CCDC91: variants seen among roughly 807,000 people sequenced by gnomAD.
CCDC91 encodes the protein coiled-coil domain containing 91, also known as coiled-coil domain-containing protein 91.
CCDC91 carries 48 observed loss-of-function variants against 63.2 expected under a neutral mutation model. The observed-to-expected ratio is 0.76, with a 90% CI of 0.60 to 0.97. CCDC91 has a LOEUF of 0.97. Among genes scored for constraint, CCDC91 ranks in the 50% least tolerant of loss-of-function variants. The pLI, the probability that CCDC91 is intolerant of heterozygous loss-of-function variation, is 0.00. For synonymous variants in CCDC91, 167 were observed against 165.8 expected (o/e 1.01, Z -0.06); for missense variants, 500 against 494.6 (o/e 1.01, Z -0.10).
At chr12:28,504,425 A>T (rs1183413019) in intron 12 of CCDC91, among the ~76,000 whole-genome samples, 1 of 151,960 alleles carries the variant, frequency 6.6e-6, no homozygotes, top group African/African-American at 2.4e-5. Flanking sequence ...ATGGGAATTA[A>T]CCAAGCTCTA....
At chr12:28,452,716 C>A in intron 11 of CCDC91, 62 bp downstream of exon 11, 1 of 790,180 alleles carries the variant, frequency 1.3e-6, no homozygotes, top group Non-Finnish European at 1.9e-6. Flanking sequence ...AAATGAAGTA[C>A]CCTTACTCTA....
intron 12 of CCDC91, among the ~76,000 whole-genome samples, chr12:28,484,901 A>G (rs1255409328): frequency 1.3e-5 from 2 of 150,448 alleles, no homozygotes; most frequent in African/African-American, 2.4e-5. Flanking sequence ...GGATGTTTAT[A>G]TGTTTAGTAT....
chr12:28,499,596 A>C (rs1322400509), intron 12 of CCDC91, among the ~76,000 whole-genome samples: 1 of 151,976 alleles, frequency 6.6e-6, no homozygotes, highest in Admixed American at 6.6e-5. Flanking sequence ...ATGAGTGAGA[A>C]CATGCAGTAT....
At chr12:28,200,137 T>G (rs1235781661) in intron 1 of CCDC91, among the ~76,000 whole-genome samples, 1 of 152,044 alleles carries the variant, frequency 6.6e-6, no homozygotes, top group Non-Finnish European at 1.5e-5. Flanking sequence ...TCTTCATTCT[T>G]TTTTCATTCT....
At chr12:28,424,358 T>A (rs1238877045) in intron 8 of CCDC91, among the ~76,000 whole-genome samples, 1 of 152,176 alleles carries the variant, frequency 6.6e-6, no homozygotes, top group African/African-American at 2.4e-5. Flanking sequence ...GATAATAGTT[T>A]ATGCATATAT....
At chr12:28,326,933 G>C (rs901547465) in intron 6 of CCDC91, among the ~76,000 whole-genome samples, 17 of 152,014 alleles carry the variant, frequency 1.1e-4, no homozygotes, top group Non-Finnish European at 2.2e-4. Flanking sequence ...GCAGGAGGTT[G>C]GCTCACAAAT....
At chr12:28,241,297 A>G (rs1407428942) in intron 1 of CCDC91, among the ~76,000 whole-genome samples, 1 of 152,164 alleles carries the variant, frequency 6.6e-6, no homozygotes, top group African/African-American at 2.4e-5. Flanking sequence ...TGGTCATAAA[A>G]CAAATTTCAG....
chr12:28,357,808 A>T (rs11049549), intron 6 of CCDC91, among the ~76,000 whole-genome samples: 32,111 of 151,986 alleles, frequency 0.21, 4,174 homozygotes, highest in Non-Finnish European at 0.3. Context: ...TGCTTAAAAA[A>T]TCCACAGTTT....
chr12:28,365,670 G>T (rs1406199751), intron 7 of CCDC91, among the ~76,000 whole-genome samples: 1 of 152,150 alleles, frequency 6.6e-6, no homozygotes, highest in Admixed American at 6.5e-5. Context: ...ACAGCAGTGA[G>T]CAAAATATTC....
intron 12 of CCDC91, among the ~76,000 whole-genome samples, chr12:28,484,981 C>T (rs1359674303): frequency 6.6e-6 from 1 of 151,242 alleles, no homozygotes; most frequent in Non-Finnish European, 1.5e-5. Context: ...TATTGCATTA[C>T]ATAATGTAAC....
At chr12:28,407,993 T>A (rs1353915366) in intron 8 of CCDC91, among the ~76,000 whole-genome samples, 1 of 151,128 alleles carries the variant, frequency 6.6e-6, no homozygotes, top group African/African-American at 2.4e-5. Context: ...TTACTTTAAG[T>A]TCTGGGATAC....
chr12:28,403,319 G>A (rs1371856507), intron 8 of CCDC91, among the ~76,000 whole-genome samples: 3 of 152,122 alleles, frequency 2.0e-5, no homozygotes, highest in Admixed American at 1.3e-4. Context: ...TCTTTGGGGT[G>A]CTGTAACAAA....
chr12:28,354,147 T>G (rs1592401328), intron 6 of CCDC91, among the ~76,000 whole-genome samples: 1 of 152,206 alleles, frequency 6.6e-6, no homozygotes, highest in South Asian at 2.1e-4. Context: ...CAGAAAATTA[T>G]GTTATGGAGG....
intron 8 of CCDC91, among the ~76,000 whole-genome samples, chr12:28,407,943 G>T (rs1386420568): frequency 1.3e-4 from 5 of 37,410 alleles, no homozygotes; most frequent in East Asian, 2.6e-3. Flanking sequence ...CATATACATA[G>T]ATATATACAT....
intron 8 of CCDC91, among the ~76,000 whole-genome samples, chr12:28,445,017 G>A (rs750275497): frequency 2.0e-5 from 3 of 151,982 alleles, no homozygotes; most frequent in South Asian, 2.1e-4. Context: ...TCCTTCTGAT[G>A]TTTTGACCTA....
intron 12 of CCDC91, among the ~76,000 whole-genome samples, chr12:28,508,137 G>A (rs1048755632): frequency 3.3e-5 from 5 of 151,954 alleles, no homozygotes; most frequent in Admixed American, 6.6e-5. Flanking sequence ...TGAGTAGTGC[G>A]CCACAGGCCA....
intron 6 of CCDC91, among the ~76,000 whole-genome samples, chr12:28,354,393 A>C (rs756008492): frequency 5.5e-4 from 83 of 152,100 alleles, no homozygotes; most frequent in Non-Finnish European, 7.8e-4. Flanking sequence ...GGCCCATCCT[A>C]AGTCCAGGAT....
At chr12:28,504,224 A>T (rs1592880280) in intron 12 of CCDC91, among the ~76,000 whole-genome samples, 1 of 151,926 alleles carries the variant, frequency 6.6e-6, no homozygotes, top group East Asian at 1.9e-4. Flanking sequence ...TTTGAATATT[A>T]AAAAAGTTTC....
At chr12:28,483,385 T>C (rs1420364532) in intron 11 of CCDC91, among the ~76,000 whole-genome samples, 2 of 152,222 alleles carry the variant, frequency 1.3e-5, no homozygotes, top group African/African-American at 2.4e-5. Flanking sequence ...GCAGAAAATA[T>C]CATGACTTCC....
Sources: gnomAD v4.1 joint callset for allele counts (sites outside exome capture counted in the v4.1 genomes callset) on GRCh38, gnomAD v4.1.1 for gene constraint, MANE v1.5 for transcripts, NCBI Gene and HGNC (gene_info 2026-07-23, HGNC 2026-07-21) for gene names.